Variants in CSMD1 observed in about 807,000 individuals in gnomAD.
CSMD1 encodes CUB and Sushi multiple domains 1, also known as CUB and sushi domain-containing protein 1.
A neutral mutation model predicts 417.5 loss-of-function variants in CSMD1; 213 were observed. The ratio of observed to expected loss-of-function variants is 0.51; its 90% confidence interval spans 0.46 to 0.57. The LOEUF (loss-of-function observed/expected upper bound fraction) is 0.57. Ranked by LOEUF, CSMD1 falls within the 20% of genes least tolerant of loss-of-function variation. The pLI, the probability that CSMD1 is intolerant of heterozygous loss-of-function variation, is 0.00. For missense variants in CSMD1, 6,923 were observed against 4,529.7 expected, an observed-to-expected ratio of 1.53 and a Z score of -15.17; for synonymous variants, 2,862 against 1,736.8, an observed-to-expected ratio of 1.65 and a Z score of -16.11.
In CSMD1 at chr8:3,162,226, T is replaced by C. The variant is rs772496620; in HGVS notation, c.5777A>G (p.Lys1926Arg). Reference protein sequence around the residue: ...QEPALPSNSIKIGDRYMVNDV... With the variant: ...QEPALPSNSIRIGDRYMVNDV... ...GTTCACCATGTACCGATCTCCGATT[T>C]TGATGCTGTTGCTGGGGAGGGCTGG... The change falls in exon 38 of 70, where the codon AAA (lysine) becomes AGA (arginine). Residue 1926 changes from lysine (K) to arginine (R), a missense_variant. Coordinates refer to ENST00000635120, the MANE Select transcript of CSMD1 (RefSeq NM_033225.6). 2.5e-6 allele frequency: 4 copies of C among 1,611,718 alleles called. No homozygotes were observed. The highest frequency in any genetic ancestry group is 1.1e-5 in the South Asian group (1 of 90,110).
rs956641025 is a variant in CSMD1 at position 4,445,269 on chromosome 8, T to G, written c.303-25204A>C. On this transcript the variant is annotated intron_variant, in intron 2 of 69. Coordinates refer to ENST00000635120, the MANE Select transcript of CSMD1 (RefSeq NM_033225.6). ...GTTCTCTTTCTAGCCATATGTTCTC[T>G]GTCATTACCTATGACATTCCGTTAG... Among the ~76,000 whole-genome samples the G allele has an allele frequency of 7.2e-5, 11 of 152,206 alleles. 1 individual carries two copies. Among genetic ancestry groups the G allele is most frequent in the Admixed American group, 5.2e-4 (8 of 15,282 alleles).
At chr8:4,965,125 T>C (rs967855464) in intron 1 of CSMD1, among the ~76,000 whole-genome samples, 8 of 152,172 alleles carry the variant, frequency 5.3e-5, no homozygotes, top group African/African-American at 1.9e-4. Flanking sequence ...GCACATCTGT[T>C]CTGAAGATAC....
chr8:4,920,181 AAG>A (rs578160858), intron 1 of CSMD1, among the ~76,000 whole-genome samples: 43 of 152,298 alleles, frequency 2.8e-4, no homozygotes, highest in African/African-American at 9.9e-4. Flanking sequence ...TGCCTTTTCT[AAG>A]AGTCTTATGC....
Position 4,776,362 on chromosome 8 carries a change from C to T in CSMD1, c.86-138804G>A, listed in dbSNP as rs183479537. 2.6e-5 allele frequency among the ~76,000 whole-genome samples: 4 copies of T among 152,246 alleles called. No homozygotes were observed. The East Asian group carries it at 7.7e-4, about 29-fold the overall frequency. The stretch of plus-strand genomic sequence containing the variant: ...TGCTACTAAGTTTTGAACAACTGCA[C>T]AGTGCTACTACTATATCTACTATAC... On this transcript the variant is annotated intron_variant, in intron 1 of 69. Transcript: ENST00000635120.
intron 15 of CSMD1, among the ~76,000 whole-genome samples, chr8:3,402,495 A>G (rs1812096510): frequency 6.6e-6 from 1 of 152,288 alleles, no homozygotes; most frequent in African/African-American, 2.4e-5. Context: ...CAGAAGAAAG[A>G]GAGAAAGAGA....
intron 25 of CSMD1, among the ~76,000 whole-genome samples, chr8:3,303,217 G>A (rs17079819): frequency 0.11 from 17,094 of 152,152 alleles, 1,042 homozygotes; most frequent in Middle Eastern, 0.15. Context: ...CATGGTCTAT[G>A]TACAGAGGCT....
chr8:3,314,069 A>G (rs1021548938), intron 23 of CSMD1, among the ~76,000 whole-genome samples: 14 of 151,888 alleles, frequency 9.2e-5, no homozygotes, highest in African/African-American at 2.9e-4. Flanking sequence ...GAATTGAACA[A>G]TGAGAACACA....
rs144809318 is a variant in CSMD1, at chr8:4,675,490, C to G, written c.86-37932G>C. ...AAAGAACAATACACGGATAACAAGT[C>G]ATAAATCAAACCAGAATCAAGACTG... On this transcript the variant is annotated intron_variant, in intron 1 of 69. Coordinates refer to ENST00000635120, the MANE Select transcript of CSMD1 (RefSeq NM_033225.6). Among the ~76,000 whole-genome samples, 421 of 152,166 alleles carry G rather than the reference C, an allele frequency of 2.8e-3. 2 individuals are homozygous for G. Among genetic ancestry groups the G allele is most frequent in the African/African-American group, 9.7e-3 (403 of 41,528 alleles).
At chr8:3,538,474 A>C (rs1469222257) in intron 10 of CSMD1, among the ~76,000 whole-genome samples, 4 of 151,204 alleles carry the variant, frequency 2.6e-5, no homozygotes, top group African/African-American at 4.9e-5. Flanking sequence ...ACCTAAGATG[A>C]TACACCTGAG....
At chr8:4,557,923 T>A (rs1359159415) in intron 2 of CSMD1, among the ~76,000 whole-genome samples, 1 of 152,188 alleles carries the variant, frequency 6.6e-6, no homozygotes, top group Admixed American at 6.5e-5. Context: ...TTTCATCATA[T>A]CTTAGGCTAT....
chr8:4,331,825 T>A (rs939620743), intron 3 of CSMD1, among the ~76,000 whole-genome samples: 1 of 152,162 alleles, frequency 6.6e-6, no homozygotes, highest in Non-Finnish European at 1.5e-5. Context: ...AGCAAATAAT[T>A]ATTACTGTTT....
intron 3 of CSMD1, among the ~76,000 whole-genome samples, chr8:4,202,218 C>G (rs963030840): frequency 6.6e-6 from 1 of 151,946 alleles, no homozygotes; most frequent in African/African-American, 2.4e-5. Flanking sequence ...TGAGATGTGA[C>G]TATTTGATGA....
intron 3 of CSMD1, among the ~76,000 whole-genome samples, chr8:4,062,303 C>T (rs1396961256): frequency 6.6e-6 from 1 of 152,042 alleles, no homozygotes; most frequent in Non-Finnish European, 1.5e-5. Flanking sequence ...AGCATGTCAA[C>T]TGGGGACTTC....
chr8:3,237,338 G>A (rs1309366365), intron 26 of CSMD1, among the ~76,000 whole-genome samples: 5 of 151,602 alleles, frequency 3.3e-5, no homozygotes, highest in African/African-American at 2.4e-5. Flanking sequence ...ATGGTGGTGT[G>A]TGTCTGTAAT....
At chr8:4,588,779 GACACACAC>G (rs10576784) in intron 2 of CSMD1, among the ~76,000 whole-genome samples, 3 of 146,372 alleles carry the variant, frequency 2.0e-5, no homozygotes, top group South Asian at 2.2e-4. Context: ...GCAAGACTCC[GACACACAC>G]ACACACACAC....
At chr8:3,306,410 G>A (rs185099532) in intron 25 of CSMD1, among the ~76,000 whole-genome samples, 3 of 152,124 alleles carry the variant, frequency 2.0e-5, no homozygotes, top group African/African-American at 7.2e-5. Flanking sequence ...CTGATCTTAA[G>A]TGATCCACCC....
At chr8:4,503,290 T>C (rs1321903437) in intron 2 of CSMD1, among the ~76,000 whole-genome samples, 1 of 152,094 alleles carries the variant, frequency 6.6e-6, no homozygotes, top group Non-Finnish European at 1.5e-5. Flanking sequence ...GATAAGAAGG[T>C]GTTGAAGTAT....
intron 7 of CSMD1, among the ~76,000 whole-genome samples, chr8:3,707,959 C>G (rs574824963): frequency 6.6e-6 from 1 of 152,196 alleles, no homozygotes; most frequent in Non-Finnish European, 1.5e-5. Flanking sequence ...CTTGTTTTCT[C>G]TTTGGAAGGA....
intron 23 of CSMD1, among the ~76,000 whole-genome samples, chr8:3,310,031 G>A (rs1805201505): frequency 6.6e-6 from 1 of 152,136 alleles, no homozygotes; most frequent in African/African-American, 2.4e-5. Context: ...TAATTCAGAT[G>A]CCTGGAATTC....
Sources: allele counts gnomAD v4.1 joint callset (sites outside exome capture counted in the v4.1 genomes callset), GRCh38; gene constraint gnomAD v4.1.1; transcripts MANE v1.5; gene names NCBI Gene and HGNC (gene_info 2026-07-23, HGNC 2026-07-21).